The following WDR19 variants were observed in gnomAD, a reference collection of about 807,000 sequenced individuals.
The protein encoded by WDR19 is WD repeat domain 19.
A neutral mutation model predicts 180.0 loss-of-function variants in WDR19; 121 were observed. The ratio of observed to expected loss-of-function variants is 0.67; its 90% CI spans 0.58 to 0.78. The LOEUF is 0.78. WDR19 is among the 30% of genes least tolerant of loss of function. WDR19 has a pLI of 0.00. For synonymous variants in WDR19, 497 were observed against 540.7 expected (o/e 0.92, Z 1.12); for missense variants, 1,450 against 1,640.7 (o/e 0.88, Z 2.01).
At chr4:39,235,674 G>T (rs376504228) in intron 20 of WDR19, among the ~76,000 whole-genome samples, 24 of 151,912 alleles carry the variant, frequency 1.6e-4, no homozygotes, top group African/African-American at 5.6e-4. Flanking sequence ...CACAGCAAAA[G>T]AAACAATCAA....
chr4:39,228,119 G>A, intron 15 of WDR19, 91 bp from the exon 16 acceptor site: 3 of 1,446,446 alleles, frequency 2.1e-6, no homozygotes, highest in Non-Finnish European at 2.8e-6. Flanking sequence ...AGTAAGCTAA[G>A]CCAGCTAAGG....
At chr4:39,233,289 G>A (rs1731064039) in intron 19 of WDR19, among the ~76,000 whole-genome samples, 2 of 152,154 alleles carry the variant, frequency 1.3e-5, no homozygotes, top group African/African-American at 4.8e-5. Flanking sequence ...CAGGGAAGAA[G>A]GGAAACCTGG....
intron 9 of WDR19, among the ~76,000 whole-genome samples, chr4:39,210,150 G>C (rs1728342962): frequency 6.6e-6 from 1 of 152,116 alleles, no homozygotes; most frequent in Non-Finnish European, 1.5e-5. Context: ...ATAAAGAGTA[G>C]AGAACACTTC....
Position 39,204,802 on chromosome 4 carries a change from G to A in WDR19, c.604-352G>A, listed in dbSNP as rs79399994. On this transcript the variant is annotated intron_variant, in intron 7 of 36. Coordinates refer to ENST00000399820, the MANE Select transcript of WDR19 (RefSeq NM_025132.4). ...CAAGAGCAGAACAGCCTCTTAGAGTGGAAGAGTCTTTATAATCTAAATATG... is the reference window on the plus strand; with the variant it reads ...CAAGAGCAGAACAGCCTCTTAGAGTAGAAGAGTCTTTATAATCTAAATATG... Among the ~76,000 whole-genome samples, 424 of 152,228 alleles carry A rather than the reference G, an allele frequency of 2.8e-3. 2 individuals carry two copies. Among genetic ancestry groups the A allele is most frequent in the African/African-American group, 9.7e-3 (401 of 41,538 alleles).
At chr4:39,231,219 G>A (rs142682335) in intron 17 of WDR19, among the ~76,000 whole-genome samples, 2 of 151,100 alleles carry the variant, frequency 1.3e-5, no homozygotes, top group Non-Finnish European at 2.9e-5. Context: ...GCTGAAGCAG[G>A]AGAATAACTT....
intron 33 of WDR19, chr4:39,275,264 C>T (rs1578053861): frequency 1.4e-5 from 5 of 350,106 alleles, no homozygotes; most frequent in South Asian, 2.4e-5. Flanking sequence ...TGCTTGAACC[C>T]GGGAGGCAGA....
intron 9 of WDR19, among the ~76,000 whole-genome samples, chr4:39,206,954 G>A (rs1728018600): frequency 6.6e-6 from 1 of 152,040 alleles, no homozygotes; most frequent in Admixed American, 6.6e-5. Context: ...AATTTCACAA[G>A]GTCCAGAATA....
At chr4:39,199,819 G>A (rs147190418) in intron 6 of WDR19, among the ~76,000 whole-genome samples, 592 of 152,006 alleles carry the variant, frequency 3.9e-3, no homozygotes, top group African/African-American at 8.3e-3. Context: ...TTTCCCTTCC[G>A]TATTAACATG....
intron 5 of WDR19, among the ~76,000 whole-genome samples, chr4:39,196,789 G>C (rs1165524815): frequency 6.6e-6 from 1 of 152,136 alleles, no homozygotes; most frequent in South Asian, 2.1e-4. Context: ...TCTGGCCTTC[G>C]CAACCTCTCT....
chr4:39,186,656 G>T (rs374799952), intron 3 of WDR19, 52 bp downstream of exon 3: 27 of 1,256,604 alleles, frequency 2.1e-5, no homozygotes, highest in Non-Finnish European at 2.9e-5. Context: ...TTGCCTAAAA[G>T]ATTAAAAAAA....
In WDR19 at chr4:39,253,902, T is replaced by A. The variant is rs778453413; in HGVS notation, c.2877-4T>A. Reference sequence around the variant, plus strand: ...GTCTAGCTAATTAAAGTACTTTGCTTTAGGTTTTTTCTACAGCTTGGTGAC... The same window carrying A: ...GTCTAGCTAATTAAAGTACTTTGCTATAGGTTTTTTCTACAGCTTGGTGAC... On this transcript the variant is annotated splice_polypyrimidine_tract_variant and splice_region_variant and intron_variant, in intron 25 of 36. Coordinates refer to ENST00000399820, the MANE Select transcript of WDR19 (RefSeq NM_025132.4). 2 of 1,594,576 alleles carry A rather than the reference T, an allele frequency of 1.3e-6. No homozygotes were observed. Among genetic ancestry groups the A allele is most frequent in the African/African-American group, 2.7e-5 (2 of 74,168 alleles).
chr4:39,206,594 T>C (rs1256123413), intron 9 of WDR19, among the ~76,000 whole-genome samples: 2 of 152,268 alleles, frequency 1.3e-5, no homozygotes, highest in South Asian at 2.1e-4. Context: ...AAGTACTAGA[T>C]TGATCATAGG....
chr4:39,237,199 T>C (rs1731470181), intron 20 of WDR19, among the ~76,000 whole-genome samples: 2 of 152,200 alleles, frequency 1.3e-5, no homozygotes, highest in African/African-American at 4.8e-5. Flanking sequence ...TTTACTGTCA[T>C]AGAGACTTTG....
intron 9 of WDR19, 172 bp downstream of exon 9, chr4:39,205,908 G>A: frequency 1.6e-6 from 1 of 631,354 alleles, no homozygotes; most frequent in South Asian, 2.5e-5. Flanking sequence ...ACAAAGTATA[G>A]TTGAAAATCA....
rs772445156 is a variant in WDR19, at chr4:39,189,719, T to C, written c.228T>C (p.Ser76=). 1.1e-5 allele frequency: 17 copies of C among 1,612,056 alleles called. No individual in the cohort carries two copies. In the East Asian group the frequency reaches 3.6e-4, roughly 34 times the overall value. ...GDVLAVIAEK[S]SCIYLWDANT... is the part of the protein sequence containing the mutation. Reference sequence around the variant, plus strand: ...TCCTAGCAGTGATTGCTGAGAAATCTAGCTGCATTTATCTTTGGGATGCCA... The same window carrying C: ...TCCTAGCAGTGATTGCTGAGAAATCCAGCTGCATTTATCTTTGGGATGCCA... Residue 76 remains serine (S), a synonymous_variant, in exon 4 of 37, where the codon TCT becomes TCC. Coordinates refer to ENST00000399820, the MANE Select transcript of WDR19 (RefSeq NM_025132.4).
At chr4:39,209,756 G>A (rs2109310548) in intron 9 of WDR19, among the ~76,000 whole-genome samples, 1 of 150,266 alleles carries the variant, frequency 6.7e-6, no homozygotes, top group East Asian at 1.9e-4. Flanking sequence ...CTGGTTCTTT[G>A]AAGAAAATAA....
intron 4 of WDR19, among the ~76,000 whole-genome samples, chr4:39,192,943 G>A (rs566508402): frequency 6.6e-6 from 1 of 152,212 alleles, no homozygotes; most frequent in East Asian, 1.9e-4. Context: ...TTGAGGTGAT[G>A]GATTCCAAAG....
intron 28 of WDR19, among the ~76,000 whole-genome samples, chr4:39,260,172 G>C (rs1240452493): frequency 6.6e-6 from 1 of 151,704 alleles, no homozygotes; most frequent in African/African-American, 2.4e-5. Context: ...TTTTGATTTA[G>C]CTAATTACAT....
chr4:39,244,366 G>T lies in WDR19; in HGVS notation c.2540G>T (p.Gly847Val). The T allele has an allele frequency of 6.2e-7, 1 of 1,613,944 alleles. No individual in the cohort carries two copies. The highest frequency in any genetic ancestry group is 8.5e-7 in the Non-Finnish European group (1 of 1,179,858). The part of the protein sequence containing the change: ...HPSRVLKRDC[G>V]AILENMKQFS... ...AGCAGGGTCCTTAAAAGAGACTGTG[G>T]AGCCATATTGGAGAATATGAAGGTC... The change falls in exon 22 of 37, where the codon GGA becomes GTA. Residue 847 changes from glycine to valine, a missense_variant. Physicochemically the swap from Gly to Val is moderately radical, Grantham distance 109. Transcript: ENST00000399820.
Sources: gnomAD v4.1 joint callset for allele counts (sites outside exome capture counted in the v4.1 genomes callset) on GRCh38, gnomAD v4.1.1 for gene constraint, MANE v1.5 for transcripts, NCBI Gene and HGNC (gene_info 2026-07-23, HGNC 2026-07-21) for gene names.